Variants in SNTG1 observed in about 807,000 individuals in gnomAD.
SNTG1 encodes syntrophin gamma 1.
SNTG1 carries 39 observed loss-of-function variants against 74.7 expected under a neutral mutation model. That is an observed-to-expected ratio of 0.52 (90% CI 0.40 to 0.68). SNTG1 has a LOEUF of 0.68. Among genes scored for constraint, SNTG1 ranks in the 30% least tolerant of loss-of-function variants. SNTG1 has a pLI of 0.00. For missense variants in SNTG1, 685 were observed against 609.5 expected (o/e 1.12, Z -1.30); for synonymous variants, 254 against 217.1 (o/e 1.17, Z -1.49).
intron 2 of SNTG1, among the ~76,000 whole-genome samples, chr8:50,374,380 C>A (rs2092333219): frequency 6.6e-6 from 1 of 152,190 alleles, no homozygotes; most frequent in African/African-American, 2.4e-5. Flanking sequence ...TATATAGGCA[C>A]TTTCGAATTT....
chr8:50,533,291 C>G (rs1475176514), intron 10 of SNTG1, among the ~76,000 whole-genome samples: 1 of 152,184 alleles, frequency 6.6e-6, no homozygotes, highest in African/African-American at 2.4e-5. Flanking sequence ...ACATCCTATG[C>G]CACCAAATCC....
intron 2 of SNTG1, among the ~76,000 whole-genome samples, chr8:50,180,508 C>T (rs1317478613): frequency 6.6e-6 from 1 of 152,116 alleles, no homozygotes; most frequent in Non-Finnish European, 1.5e-5. Context: ...TGTGAATTTA[C>T]TAAATGCCAC....
chr8:50,293,592 T>C (rs200018861), intron 2 of SNTG1, among the ~76,000 whole-genome samples: 1 of 152,040 alleles, frequency 6.6e-6, no homozygotes, highest in East Asian at 2.0e-4. Context: ...GTAATTTTAG[T>C]AGAGATGGGG....
chr8:50,192,258 T>A lies in SNTG1; in HGVS notation c.-28+19623T>A, dbSNP rs558419158. On this transcript the variant is annotated intron_variant, in intron 2 of 18. Transcript: ENST00000642720. ...ATTATCAGATTCCACTGGCCTGGGA[T>A]GTTGGAGTCTCTGGCTCAACAACTC... 2.2e-4 allele frequency among the ~76,000 whole-genome samples: 34 copies of A among 152,254 alleles called. 1 individual carries two copies. Among genetic ancestry groups the A allele is most frequent in the African/African-American group, 7.5e-4 (31 of 41,550 alleles).
chr8:50,459,716 G>C (rs2093542588), intron 8 of SNTG1, among the ~76,000 whole-genome samples: 1 of 152,022 alleles, frequency 6.6e-6, no homozygotes, highest in African/African-American at 2.4e-5. Context: ...CCATCTTTGT[G>C]TCCATGAGTA....
chr8:50,765,902 A>G (rs529217502), intron 18 of SNTG1, among the ~76,000 whole-genome samples: 1 of 152,180 alleles, frequency 6.6e-6, no homozygotes, highest in Non-Finnish European at 1.5e-5. Context: ...TTACACATAT[A>G]TGACTCAAAT....
chr8:50,673,231 G>C (rs938932560), intron 15 of SNTG1, among the ~76,000 whole-genome samples: 1 of 152,116 alleles, frequency 6.6e-6, no homozygotes, highest in Non-Finnish European at 1.5e-5. Context: ...ATGATAGTTG[G>C]ATGGGAATAG....
intron 1 of SNTG1, among the ~76,000 whole-genome samples, chr8:50,016,696 C>A (rs1051716159): frequency 2.6e-5 from 4 of 152,110 alleles, no homozygotes; most frequent in African/African-American, 7.2e-5. Context: ...TTTTGTCTAA[C>A]ATAATTTCTG....
intron 18 of SNTG1, among the ~76,000 whole-genome samples, chr8:50,769,457 G>A (rs2095621893): frequency 6.6e-6 from 1 of 151,926 alleles, no homozygotes; most frequent in East Asian, 1.9e-4. Context: ...ACAGAGTGTA[G>A]TAACCAAGTA....
intron 2 of SNTG1, among the ~76,000 whole-genome samples, chr8:50,294,729 A>G (rs1189918834): frequency 5.3e-5 from 8 of 152,220 alleles, no homozygotes; most frequent in Non-Finnish European, 1.0e-4. Flanking sequence ...AAATATTCAA[A>G]ATTACATTCC....
chr8:49,938,607 C>CT (rs60669251), intron 1 of SNTG1, among the ~76,000 whole-genome samples: 687 of 27,568 alleles, frequency 0.025, 7 homozygotes, highest in Middle Eastern at 0.058. Context: ...CTTTTCTTTT[C>CT]TTTCTTTCTT....
intron 18 of SNTG1, among the ~76,000 whole-genome samples, chr8:50,777,676 T>C (rs907909556): frequency 2.6e-5 from 4 of 151,426 alleles, no homozygotes; most frequent in Admixed American, 6.6e-5. Flanking sequence ...TCTTTTTTTC[T>C]CTCTCTCTCT....
At chr8:50,044,680 C>T (rs1027356487) in intron 1 of SNTG1, among the ~76,000 whole-genome samples, 18 of 152,072 alleles carry the variant, frequency 1.2e-4, no homozygotes, top group African/African-American at 4.1e-4. Flanking sequence ...AAAGCTATAG[C>T]CTTGGAATTT....
chr8:50,109,956 A>G (rs1335672759), intron 1 of SNTG1, among the ~76,000 whole-genome samples: 1 of 151,700 alleles, frequency 6.6e-6, no homozygotes, highest in Non-Finnish European at 1.5e-5. Flanking sequence ...TGTCTTAAGT[A>G]CCCACCTTTC....
intron 13 of SNTG1, among the ~76,000 whole-genome samples, chr8:50,605,916 A>G (rs975512350): frequency 7.9e-5 from 12 of 152,166 alleles, no homozygotes; most frequent in Non-Finnish European, 1.2e-4. Flanking sequence ...TTTATGTGAT[A>G]TATTATGTCT....
intron 2 of SNTG1, among the ~76,000 whole-genome samples, chr8:50,221,981 G>T (rs1319503199): frequency 1.3e-5 from 2 of 152,182 alleles, no homozygotes; most frequent in Non-Finnish European, 2.9e-5. Flanking sequence ...AGGGTGCTAG[G>T]ATATGGATGT....
At chr8:50,144,194 A>G (rs1235833342) in intron 1 of SNTG1, among the ~76,000 whole-genome samples, 1 of 152,246 alleles carries the variant, frequency 6.6e-6, no homozygotes, top group Non-Finnish European at 1.5e-5. Flanking sequence ...ATGCTATACG[A>G]AACCATCTTA....
chr8:50,005,698 G>T (rs1016837998), intron 1 of SNTG1, among the ~76,000 whole-genome samples: 2 of 152,072 alleles, frequency 1.3e-5, no homozygotes, highest in African/African-American at 4.8e-5. Flanking sequence ...AGGATGAATA[G>T]TTGAAATTCA....
intron 1 of SNTG1, among the ~76,000 whole-genome samples, chr8:50,046,164 A>C (rs1238259716): frequency 1.3e-5 from 2 of 152,156 alleles, no homozygotes; most frequent in Non-Finnish European, 2.9e-5. Flanking sequence ...TTCTTTCGAC[A>C]TTTTTCAACC....
Sources: allele counts gnomAD v4.1 joint callset (sites outside exome capture counted in the v4.1 genomes callset), GRCh38; gene constraint gnomAD v4.1.1; transcripts MANE v1.5; gene names NCBI Gene and HGNC (gene_info 2026-07-23, HGNC 2026-07-21).